PCDHGA8: variants seen among roughly 807,000 people sequenced by gnomAD.
PCDHGA8 encodes protocadherin gamma subfamily A, 8, also known as protocadherin gamma-A8.
A neutral mutation model predicts 59.2 loss-of-function variants in PCDHGA8; 45 were observed. The observed-to-expected ratio is 0.76, with a 90% CI of 0.60 to 0.98. The LOEUF is 0.98. Among genes scored for constraint, PCDHGA8 ranks in the 50% least tolerant of loss-of-function variants. The pLI, the probability that PCDHGA8 is intolerant of heterozygous loss-of-function variation, is 0.00. For synonymous variants in PCDHGA8, 531 were observed against 519.0 expected (o/e 1.02, Z -0.32); for missense variants, 1,257 against 1,196.2 (o/e 1.05, Z -0.75).
intron 1 of PCDHGA8, among the ~76,000 whole-genome samples, chr5:141,449,978 T>A (rs1025332419): frequency 6.6e-6 from 1 of 151,030 alleles, no homozygotes; most frequent in Non-Finnish European, 1.5e-5. Context: ...GTCCAAAATA[T>A]CACACATTGC....
At chr5:141,484,317 T>C (rs939085863) in intron 1 of PCDHGA8, among the ~76,000 whole-genome samples, 1 of 152,220 alleles carries the variant, frequency 6.6e-6, no homozygotes, top group Non-Finnish European at 1.5e-5. Context: ...CCCGCTTCCA[T>C]ACTGTCCTTG....
intron 3 of PCDHGA8, among the ~76,000 whole-genome samples, chr5:141,508,620 G>A (rs1017391751): frequency 2.0e-5 from 3 of 152,070 alleles, no homozygotes; most frequent in East Asian, 1.9e-4. Context: ...GACGTGGGTG[G>A]GCCGAGCTTC....
intron 2 of PCDHGA8, among the ~76,000 whole-genome samples, chr5:141,500,310 G>A (rs1327269551): frequency 6.6e-6 from 1 of 151,740 alleles, no homozygotes; most frequent in Non-Finnish European, 1.5e-5. Flanking sequence ...CCAGGTTCAC[G>A]CCATGCTCCT....
At chr5:141,404,371 C>T in intron 1 of PCDHGA8, 2 of 1,613,892 alleles carry the variant, frequency 1.2e-6, no homozygotes, top group Non-Finnish European at 1.7e-6. Flanking sequence ...CCATCTTCTC[C>T]GTGATTGCCT....
At chr5:141,409,389 C>T (rs1445649056) in intron 1 of PCDHGA8, 2 of 1,613,888 alleles carry the variant, frequency 1.2e-6, no homozygotes, top group Non-Finnish European at 1.7e-6. Flanking sequence ...AAGATTTATT[C>T]TTCTTCCAAT....
At chr5:141,415,282 G>A in intron 1 of PCDHGA8, 1 of 1,614,224 alleles carries the variant, frequency 6.2e-7, no homozygotes, top group Non-Finnish European at 8.5e-7. Flanking sequence ...AGCGGTGGCC[G>A]CGGTCTCCTG....
intron 1 of PCDHGA8, among the ~76,000 whole-genome samples, chr5:141,462,877 T>G (rs1387501705): frequency 1.3e-5 from 2 of 152,240 alleles, no homozygotes; most frequent in African/African-American, 4.8e-5. Flanking sequence ...CTTTAAGAAC[T>G]ATTGCAGTTT....
At chr5:141,470,628 G>T (rs1475199767) in intron 1 of PCDHGA8, among the ~76,000 whole-genome samples, 12 of 152,146 alleles carry the variant, frequency 7.9e-5, no homozygotes, top group Admixed American at 7.9e-4. Flanking sequence ...GCTTAGATAG[G>T]CCCCCTTGCT....
At chr5:141,456,175 A>G (rs2154565434) in intron 1 of PCDHGA8, among the ~76,000 whole-genome samples, 1 of 151,840 alleles carries the variant, frequency 6.6e-6, no homozygotes, top group East Asian at 1.9e-4. Context: ...GGGATTACAG[A>G]ATAATTTCTT....
chr5:141,448,945 A>G (rs1288079348), intron 1 of PCDHGA8, among the ~76,000 whole-genome samples: 1 of 151,716 alleles, frequency 6.6e-6, no homozygotes, highest in Non-Finnish European at 1.5e-5. Context: ...ACTGCAACTC[A>G]AAAAAACAAA....
intron 1 of PCDHGA8, among the ~76,000 whole-genome samples, chr5:141,457,477 C>A (rs964080100): frequency 2.0e-5 from 3 of 152,134 alleles, no homozygotes; most frequent in African/African-American, 7.2e-5. Context: ...TAAGCAGGGC[C>A]AGGGTTAGTC....
At chr5:141,414,026 C>A in intron 1 of PCDHGA8, 1 of 1,612,468 alleles carries the variant, frequency 6.2e-7, no homozygotes, top group Non-Finnish European at 8.5e-7. Flanking sequence ...GTGACATATT[C>A]ATTCCGAAAA....
intron 1 of PCDHGA8, among the ~76,000 whole-genome samples, chr5:141,488,554 T>C (rs1313975033): frequency 6.6e-6 from 1 of 152,064 alleles, no homozygotes; most frequent in African/African-American, 2.4e-5. Context: ...CAGCTGACAT[T>C]GAGATTTCCG....
At chr5:141,488,239 G>A (rs576918071) in intron 1 of PCDHGA8, among the ~76,000 whole-genome samples, 3 of 152,222 alleles carry the variant, frequency 2.0e-5, no homozygotes, top group South Asian at 4.1e-4. Context: ...AACTAGATGC[G>A]GTAAATTGGA....
Position 141,393,382 on chromosome 5 carries a change from T to C in PCDHGA8, c.569T>C (p.Ile190Thr), listed in dbSNP as rs778957877. 7 of 1,613,948 alleles carry C rather than the reference T, an allele frequency of 4.3e-6. No individual in the cohort carries two copies. Among genetic ancestry groups the C allele is most frequent in the Non-Finnish European group, 5.9e-6 (7 of 1,179,872 alleles). ...LDVQTGDNGAINPELVLERAL... is the reference protein window; with the variant it reads ...LDVQTGDNGATNPELVLERAL... Reference sequence around the variant, plus strand: ...GTGCAGACTGGAGACAATGGAGCCATAAACCCAGAGCTGGTGCTGGAGCGC... The same window carrying C: ...GTGCAGACTGGAGACAATGGAGCCACAAACCCAGAGCTGGTGCTGGAGCGC... Residue 190 changes from isoleucine to threonine, a missense_variant, in exon 1 of 4, where the codon ATA (isoleucine) becomes ACA (threonine). Coordinates refer to ENST00000398604, the MANE Select transcript of PCDHGA8 (RefSeq NM_032088.2).
At position 141,431,994 on chromosome 5, in the gene PCDHGA8, G is replaced by C; in HGVS notation, c.2424+36757G>C. ...TTAGTCACAGACATAGTCTTGGATA[G>C]GGAACAGGTTCCTAGCTACAACATC... is the stretch of plus-strand genomic sequence containing the variant. On this transcript the variant is annotated intron_variant, in intron 1 of 3. Coordinates refer to ENST00000398604, the MANE Select transcript of PCDHGA8 (RefSeq NM_032088.2). The surrounding 1 kb of genome is among the most constrained non-coding windows in gnomAD (Gnocchi z 4.8). 1.9e-6 allele frequency: 3 copies of C among 1,614,188 alleles called. 1 individual carries two copies. The highest frequency in any genetic ancestry group is 2.2e-5 in the South Asian group (2 of 91,082).
chr5:141,487,100 C>A lies in PCDHGA8; in HGVS notation c.2425-7707C>A. ...CCCAGCTGACCTCCCACCACAGAAGCTGGTCATTGTGGTAAAGGATAGTGG... is the reference window on the plus strand; with the variant it reads ...CCCAGCTGACCTCCCACCACAGAAGATGGTCATTGTGGTAAAGGATAGTGG... On this transcript the variant is annotated intron_variant, in intron 1 of 3. Coordinates refer to ENST00000398604, the MANE Select transcript of PCDHGA8 (RefSeq NM_032088.2). This position sits in a 1 kb window ranked among gnomAD's most constrained non-coding sequence, Gnocchi z 5.0. The A allele has an allele frequency of 1.2e-6, 2 of 1,614,076 alleles. No homozygotes were observed. The highest frequency in any genetic ancestry group is 1.7e-6 in the Non-Finnish European group (2 of 1,179,960).
chr5:141,423,906 G>A (rs2096789586), intron 1 of PCDHGA8: 17 of 1,272,396 alleles, frequency 1.3e-5, no homozygotes, highest in Non-Finnish European at 1.7e-5. Context: ...ATTTCAAAGG[G>A]GCCATTCAAC....
Position 141,490,732 on chromosome 5 carries a change from G to T in PCDHGA8, c.2425-4075G>T, listed in dbSNP as rs775388969. 4 of 1,614,188 alleles carry T rather than the reference G, an allele frequency of 2.5e-6. No individual in the cohort carries two copies. Among genetic ancestry groups the T allele is most frequent in the Non-Finnish European group, 3.4e-6 (4 of 1,180,042 alleles). ...CACCTACTCCATTGTAGGAAATCAGGTTCAGGGAGCCCCAGCCTCCTCCTT... is the reference window on the plus strand; with the variant it reads ...CACCTACTCCATTGTAGGAAATCAGTTTCAGGGAGCCCCAGCCTCCTCCTT... On this transcript the variant is annotated intron_variant, in intron 1 of 3. Transcript: ENST00000398604. The surrounding 1 kb of genome is among the most constrained non-coding windows in gnomAD (Gnocchi z 5.4).
Sources: allele counts gnomAD v4.1 joint callset (sites outside exome capture counted in the v4.1 genomes callset), GRCh38; gene constraint gnomAD v4.1.1; non-coding constraint Gnocchi (gnomAD v3.1); transcripts MANE v1.5; gene names NCBI Gene and HGNC (gene_info 2026-07-23, HGNC 2026-07-21).